NTRK3: variants seen among roughly 807,000 people sequenced by gnomAD.
The protein encoded by NTRK3 is neurotrophic receptor tyrosine kinase 3.
A neutral mutation model predicts 91.7 loss-of-function variants in NTRK3; 24 were observed. The ratio of observed to expected loss-of-function variants is 0.26; its 90% CI spans 0.19 to 0.37. The LOEUF (loss-of-function observed/expected upper bound fraction) is 0.37. Ranked by LOEUF, NTRK3 falls within the 10% of genes least tolerant of loss-of-function variation. The pLI is 1.00. For missense variants in NTRK3, 880 were observed against 1,068.9 expected, an observed-to-expected ratio of 0.82 and a Z score of 2.46; for synonymous variants, 483 against 404.0, an observed-to-expected ratio of 1.20 and a Z score of -2.34.
intron 14 of NTRK3, among the ~76,000 whole-genome samples, chr15:87,990,114 A>C (rs1035409551): frequency 3.3e-5 from 5 of 152,146 alleles, no homozygotes; most frequent in African/African-American, 4.8e-5. Context: ...GGTAATACTG[A>C]GGGTAGAGTA....
At chr15:87,943,108 G>A (rs566503459) in intron 14 of NTRK3, among the ~76,000 whole-genome samples, 14 of 152,230 alleles carry the variant, frequency 9.2e-5, no homozygotes, top group African/African-American at 3.4e-4. Context: ...TCCTCCACCA[G>A]GGATTCCAAT....
At chr15:87,945,225 G>T (rs1268412285) in intron 14 of NTRK3, among the ~76,000 whole-genome samples, 1 of 152,196 alleles carries the variant, frequency 6.6e-6, no homozygotes, top group Admixed American at 6.5e-5. Context: ...GGGACCTTCT[G>T]GCCTGGCTTT....
chr15:87,942,586 G>A (rs1163016321), intron 14 of NTRK3, among the ~76,000 whole-genome samples: 1 of 152,118 alleles, frequency 6.6e-6, no homozygotes, highest in Admixed American at 6.5e-5. Context: ...GCTCACGATG[G>A]CAGCTGTACA....
chr15:88,126,739 A>G (rs1220639663), intron 12 of NTRK3, among the ~76,000 whole-genome samples: 1 of 152,204 alleles, frequency 6.6e-6, no homozygotes, highest in African/African-American at 2.4e-5. Flanking sequence ...CTTATCCAGG[A>G]AAGTCGAAAA....
At chr15:88,077,943 T>G (rs949664546) in intron 13 of NTRK3, among the ~76,000 whole-genome samples, 21 of 152,044 alleles carry the variant, frequency 1.4e-4, no homozygotes, top group African/African-American at 5.1e-4. Flanking sequence ...TCACAGGAAA[T>G]CTCGGATCAT....
chr15:87,988,985 T>C (rs2141464364), intron 14 of NTRK3, among the ~76,000 whole-genome samples: 1 of 152,232 alleles, frequency 6.6e-6, no homozygotes. Context: ...TGGTGCAATC[T>C]TGGCTCACTG....
chr15:88,145,077 C>T (rs147282644), intron 6 of NTRK3, among the ~76,000 whole-genome samples: 27 of 152,276 alleles, frequency 1.8e-4, no homozygotes, highest in African/African-American at 3.1e-4. Flanking sequence ...CCCATCCCCA[C>T]GCCCCAGCCC....
At chr15:88,101,109 T>C (rs1056540490) in intron 13 of NTRK3, among the ~76,000 whole-genome samples, 1 of 152,120 alleles carries the variant, frequency 6.6e-6, no homozygotes, top group African/African-American at 2.4e-5. Context: ...ATTTTTGCAA[T>C]CTACTCATCT....
chr15:88,030,228 A>T (rs895581793), intron 14 of NTRK3, among the ~76,000 whole-genome samples: 6 of 152,322 alleles, frequency 3.9e-5, no homozygotes, highest in East Asian at 1.9e-4. Flanking sequence ...TCTTGTTTAC[A>T]CTGAAGAACC....
intron 3 of NTRK3, among the ~76,000 whole-genome samples, chr15:88,193,391 T>G (rs746567780): frequency 3.0e-4 from 45 of 151,972 alleles, no homozygotes; most frequent in Non-Finnish European, 5.9e-4. Context: ...CAGAGCTCCC[T>G]CCCAGGCCCA....
chr15:88,248,632 T>C (rs2141985360), intron 3 of NTRK3, among the ~76,000 whole-genome samples: 1 of 152,310 alleles, frequency 6.6e-6, no homozygotes, highest in Admixed American at 6.5e-5. Context: ...CAGACTGCTT[T>C]CCCATTTACT....
chr15:87,907,939 G>C (rs1043607844), intron 17 of NTRK3, among the ~76,000 whole-genome samples: 1 of 152,182 alleles, frequency 6.6e-6, no homozygotes, highest in Admixed American at 6.5e-5. Context: ...AGGATCTGTA[G>C]TGACCATCCT....
intron 10 of NTRK3, among the ~76,000 whole-genome samples, chr15:88,131,686 C>T (rs2041368035): frequency 1.3e-5 from 2 of 152,312 alleles, no homozygotes; most frequent in Non-Finnish European, 2.9e-5. Context: ...CTCACGTTAG[C>T]CAAATGTTTT....
chr15:88,210,773 A>C (rs919234987), intron 3 of NTRK3, among the ~76,000 whole-genome samples: 9 of 152,180 alleles, frequency 5.9e-5, no homozygotes, highest in Non-Finnish European at 1.2e-4. Flanking sequence ...AACTCGTCCT[A>C]AAAAGCTAAC....
At chr15:88,163,724 A>G (rs971376019) in intron 5 of NTRK3, among the ~76,000 whole-genome samples, 2 of 152,210 alleles carry the variant, frequency 1.3e-5, no homozygotes, top group Admixed American at 1.3e-4. Context: ...CCAAGGATAC[A>G]AGACTAATTC....
intron 13 of NTRK3, among the ~76,000 whole-genome samples, chr15:88,108,560 G>C (rs942744366): frequency 2.6e-5 from 4 of 152,158 alleles, no homozygotes; most frequent in African/African-American, 7.2e-5. Flanking sequence ...AACTGAAAGG[G>C]ACCTTGGAAG....
chr15:88,093,463 C>T (rs1452426619), intron 13 of NTRK3, among the ~76,000 whole-genome samples: 1 of 152,198 alleles, frequency 6.6e-6, no homozygotes, highest in Non-Finnish European at 1.5e-5. Flanking sequence ...TACTCTTCTT[C>T]TCATGCTTAT....
At chr15:88,246,769 C>A (rs1386747212) in intron 3 of NTRK3, among the ~76,000 whole-genome samples, 2 of 152,188 alleles carry the variant, frequency 1.3e-5, no homozygotes, top group Non-Finnish European at 2.9e-5. Flanking sequence ...AGTCCGGGTC[C>A]TGGAGTCTCA....
chr15:87,896,355 C>T (rs1740614080), intron 17 of NTRK3, among the ~76,000 whole-genome samples: 1 of 151,782 alleles, frequency 6.6e-6, no homozygotes. Context: ...CCTGTAGTCC[C>T]AACTACTCAG....
Sources: allele counts gnomAD v4.1 joint callset (sites outside exome capture counted in the v4.1 genomes callset), GRCh38; gene constraint gnomAD v4.1.1; transcripts MANE v1.5; gene names NCBI Gene and HGNC (gene_info 2026-07-23, HGNC 2026-07-21).